SPIRE2: variants seen among roughly 807,000 people sequenced by gnomAD.
SPIRE2 encodes protein spire homolog 2.
SPIRE2 carries 76 observed loss-of-function variants against 80.7 expected under a neutral mutation model. The ratio of observed to expected loss-of-function variants is 0.94; its 90% CI spans 0.78 to 1.14. The LOEUF is 1.14. SPIRE2 is among the 50% of genes most tolerant of loss of function. The probability of loss-of-function intolerance (pLI) is 0.00; values close to 1 mark genes in which losing one functional copy is unlikely to be tolerated. For missense variants in SPIRE2, 1,196 were observed against 1,015.3 expected, an observed-to-expected ratio of 1.18 and a Z score of -2.42; for synonymous variants, 535 against 432.6, an observed-to-expected ratio of 1.24 and a Z score of -2.94.
intron 9 of SPIRE2, 44 bp downstream of exon 9, chr16:89,859,398 C>T (rs1235149357): frequency 1.7e-5 from 22 of 1,262,364 alleles, no homozygotes; most frequent in Middle Eastern, 2.8e-4. Flanking sequence ...CGCCCCCACC[C>T]CGATCCATCC....
chr16:89,850,003 A>C, intron 2 of SPIRE2: 17 of 442,720 alleles, frequency 3.8e-5, no homozygotes, highest in East Asian at 4.9e-5. Flanking sequence ...ACGCCCAGCT[A>C]ATTTTTGTAT....
chr16:89,840,081 G>T (rs1262124161), intron 1 of SPIRE2, among the ~76,000 whole-genome samples: 1 of 152,052 alleles, frequency 6.6e-6, no homozygotes, highest in African/African-American at 2.4e-5. Context: ...CCCTTGTCGG[G>T]CTAGGCTGAC....
At position 89,850,467 on chromosome 16, in the gene SPIRE2, G is replaced by C. The variant is rs777121503; in HGVS notation, c.452G>C (p.Gly151Ala). The C allele has an allele frequency of 6.4e-7, 1 of 1,552,274 alleles. No homozygotes were observed. The highest frequency in any genetic ancestry group is 1.4e-5 in the African/African-American group (1 of 73,994). Residue 151 changes from glycine to alanine, a missense_variant, in exon 3 of 15, where the codon GGT (glycine) becomes GCT (alanine). By Grantham distance (60) the Gly-to-Ala change is moderately conservative (BLOSUM62 0). Coordinates refer to ENST00000378247, the MANE Select transcript of SPIRE2 (RefSeq NM_032451.2). Reference protein sequence around the residue: ...GCGAADEGYGGPEEEEEAEGV... With the variant: ...GCGAADEGYGAPEEEEEAEGV... ...GGTGCCGCCGATGAGGGCTACGGGGGTCCCGAGGAGGAGGAGGAGGCCGAG... is the reference window on the plus strand; with the variant it reads ...GGTGCCGCCGATGAGGGCTACGGGGCTCCCGAGGAGGAGGAGGAGGCCGAG...
rs2041667144 is a variant in SPIRE2 at position 89,854,346 on chromosome 16, A to G, written c.706A>G (p.Ser236Gly). ...GGAGACGCCTCGGGCAGAGCTGGAC[A>G]GCCTGGGTCACACAGACTGGGTAAG... ...HLETPRAELD[S>G]LGHTDWARLW... is the part of the protein sequence containing the mutation. The change falls in exon 4 of 15, where the codon AGC becomes GGC. Residue 236 changes from serine (S) to glycine (G), a missense_variant. By Grantham distance (56) the Ser-to-Gly change is moderately conservative. Transcript: ENST00000378247. 4 of 1,612,588 alleles carry G rather than the reference A, an allele frequency of 2.5e-6. No homozygotes were observed. Among genetic ancestry groups the G allele is most frequent in the Non-Finnish European group, 3.4e-6 (4 of 1,179,866 alleles).
At position 89,863,830 on chromosome 16, in the gene SPIRE2, T is replaced by C. The variant is rs768655209; in HGVS notation, c.1747T>C (p.Ser583Pro). The C allele has an allele frequency of 3.0e-5, 49 of 1,614,026 alleles. No individual in the cohort carries two copies. The highest frequency in any genetic ancestry group is 4.1e-5 in the Non-Finnish European group (48 of 1,179,978). ...CTGCCGGGCCAAGTTCCCGCTGTTC[T>C]CGTGGCCGCCCAGCTGTCTCTTCTG... is the stretch of plus-strand genomic sequence containing the variant. ...CCCRAKFPLF[S>P]WPPSCLFCKR... Residue 583 changes from serine (S) to proline (P), a missense_variant, in exon 12 of 15, where the codon TCG (serine) becomes CCG (proline). Ser to Pro is a moderately conservative substitution (Grantham distance 74, BLOSUM62 -1). Coordinates refer to ENST00000378247, the MANE Select transcript of SPIRE2 (RefSeq NM_032451.2). This position sits in a 1 kb window ranked among gnomAD's most constrained non-coding sequence, Gnocchi z 4.3.
intron 1 of SPIRE2, among the ~76,000 whole-genome samples, chr16:89,832,384 AGTT>A (rs1388710330): frequency 1.3e-5 from 2 of 152,216 alleles, no homozygotes. Context: ...ATGAGTGTTT[AGTT>A]GTTTTCTGGA....
rs200721173 is a variant in SPIRE2 at position 89,870,083 on chromosome 16, G to A, written c.1956G>A (p.Glu652=). The part of the protein sequence containing the change: ...SLQGPQWQSV[E]EAFPHIYSHG... ...AAGGGCCACAGTGGCAGAGCGTGGA[G>A]GAGGCGTTCCCCCACATCTACTCCC... Residue 652 remains glutamate (E), a synonymous_variant, in exon 15 of 15, where the codon GAG becomes GAA. Transcript: ENST00000378247. The A allele has an allele frequency of 6.2e-6, 10 of 1,613,486 alleles. No individual in the cohort carries two copies. In the African/African-American group the frequency reaches 8.0e-5, roughly 13 times the overall value.
chr16:89,837,582 G>T (rs187481446), intron 1 of SPIRE2, among the ~76,000 whole-genome samples: 168 of 152,288 alleles, frequency 1.1e-3, no homozygotes, highest in African/African-American at 3.7e-3. Flanking sequence ...CTTGACACAC[G>T]CCAGGCAGGG....
intron 2 of SPIRE2, among the ~76,000 whole-genome samples, chr16:89,848,569 A>G (rs1320947909): frequency 3.6e-3 from 221 of 61,452 alleles, no homozygotes; most frequent in Admixed American, 4.8e-3. Context: ...AGGGCCTTCT[A>G]CAGTATTTCT....
chr16:89,859,416 A>T, intron 9 of SPIRE2, 62 bp downstream of exon 9: 2 of 1,095,668 alleles, frequency 1.8e-6, no homozygotes, highest in East Asian at 6.2e-5. Flanking sequence ...TCCTGTGGGC[A>T]CCATCCCTCC....
At chr16:89,842,746 T>C (rs1172368484) in intron 1 of SPIRE2, among the ~76,000 whole-genome samples, 3 of 152,196 alleles carry the variant, frequency 2.0e-5, no homozygotes, top group African/African-American at 7.2e-5. Context: ...GTCTTCCACC[T>C]TCCCATGGCC....
intron 5 of SPIRE2, among the ~76,000 whole-genome samples, chr16:89,855,178 TCTGC>T (rs2041678292): frequency 1.3e-5 from 2 of 152,174 alleles, no homozygotes; most frequent in Non-Finnish European, 2.9e-5. Context: ...GACCTTGTGA[TCTGC>T]CCACCTCGGC....
In SPIRE2 at chr16:89,869,072, A is replaced by ATATATATATGTATG. The variant is rs67559135; in HGVS notation, c.1807-492_1807-491insATATATGTATGTAT. The stretch of plus-strand genomic sequence containing the variant: ...AAAAAAAATATATATATATATATAT[A>ATATATATATGTATG]TATGTTACCCCTCAGGCCTCAGTTC... On this transcript the variant is annotated intron_variant, in intron 13 of 14. Transcript: ENST00000378247. 1.1e-4 allele frequency among the ~76,000 whole-genome samples: 7 copies of ATATATATATGTATG among 65,952 alleles called. 1 individual carries two copies. The highest frequency in any genetic ancestry group is 1.8e-4 in the Admixed American group (1 of 5,436). 43.3% of individuals were successfully genotyped at this position (65,952 alleles called of 152,430 possible).
Position 89,828,487 on chromosome 16 carries a change from C to A in SPIRE2, c.-64C>A. On this transcript the variant is annotated 5_prime_UTR_variant, in exon 1 of 15. Transcript: ENST00000378247. This position sits in a 1 kb window ranked among gnomAD's most constrained non-coding sequence, Gnocchi z 5.9. The stretch of plus-strand genomic sequence containing the variant: ...GGGCGGGGCGGCCAGGCTGACCCTG[C>A]GCGGCGGAAGGCGCGGCTGCATGGA... 2.0e-6 allele frequency: 2 copies of A among 987,524 alleles called. No individual in the cohort carries two copies. Among genetic ancestry groups the A allele is most frequent in the Non-Finnish European group, 2.4e-6 (2 of 832,308 alleles). 61.2% of individuals were successfully genotyped at this position (987,524 alleles called of 1,614,324 possible). A position where few individuals can be genotyped will look rare whatever the true frequency, so the allele number is the denominator to read the frequency against.
rs1462857781 is a variant in SPIRE2, at chr16:89,831,856, G to T, written c.244+3062G>T. Among the ~76,000 whole-genome samples the T allele has an allele frequency of 1.3e-5, 2 of 151,276 alleles. 1 individual carries two copies. Among genetic ancestry groups the T allele is most frequent in the Non-Finnish European group, 3.0e-5 (2 of 67,436 alleles). On this transcript the variant is annotated intron_variant, in intron 1 of 14. Coordinates refer to ENST00000378247, the MANE Select transcript of SPIRE2 (RefSeq NM_032451.2). ...AGGCACCCTTAGAGCACTGGCTCTG[G>T]GGTTCTGCTGTTTCGCAGCCCCGCG... is the stretch of plus-strand genomic sequence containing the variant.
chr16:89,831,421 A>AGG, intron 1 of SPIRE2, among the ~76,000 whole-genome samples: 1 of 134,186 alleles, frequency 7.5e-6, no homozygotes, highest in Non-Finnish European at 1.6e-5. Flanking sequence ...TTTTTATGAG[A>AGG]CAGTCTCGCT....
chr16:89,835,351 G>A (rs942690874), intron 1 of SPIRE2, among the ~76,000 whole-genome samples: 1 of 152,170 alleles, frequency 6.6e-6, no homozygotes, highest in African/African-American at 2.4e-5. Flanking sequence ...GTTGAGATTC[G>A]GTTAATGGTG....
At chr16:89,842,520 T>C (rs2143792731) in intron 1 of SPIRE2, among the ~76,000 whole-genome samples, 1 of 152,332 alleles carries the variant, frequency 6.6e-6, no homozygotes, top group Non-Finnish European at 1.5e-5. Context: ...GCCGTGAACA[T>C]TTAATTTTGA....
chr16:89,849,224 G>A (rs757928071), intron 2 of SPIRE2, among the ~76,000 whole-genome samples: 8 of 152,228 alleles, frequency 5.3e-5, no homozygotes, highest in Admixed American at 2.0e-4. Flanking sequence ...TGGGGGAGGC[G>A]TGGCTCCATC....
Sources: allele counts gnomAD v4.1 joint callset (sites outside exome capture counted in the v4.1 genomes callset), GRCh38; gene constraint gnomAD v4.1.1; non-coding constraint Gnocchi (gnomAD v3.1); transcripts MANE v1.5; gene names NCBI Gene and HGNC (gene_info 2026-07-23, HGNC 2026-07-21).